The following CHTF18 variants were observed in gnomAD, a reference collection of about 807,000 sequenced individuals.
CHTF18 encodes chromosome transmission fidelity protein 18 homolog.
CHTF18 carries 151 observed loss-of-function variants against 113.4 expected under a neutral mutation model. The observed-to-expected ratio is 1.33, with a 90% confidence interval of 1.17 to 1.52. The LOEUF is 1.52. Ranked by LOEUF, CHTF18 falls within the 40% of genes most tolerant of loss-of-function variation. CHTF18 has a pLI of 0.00. For missense variants in CHTF18, 1,982 were observed against 1,381.6 expected, an observed-to-expected ratio of 1.43 and a Z score of -6.89; for synonymous variants, 916 against 598.8, an observed-to-expected ratio of 1.53 and a Z score of -7.74.
Position 792,342 on chromosome 16 carries a change from C to G in CHTF18, c.1321C>G (p.Pro441Ala), listed in dbSNP as rs1347500621. Reference sequence around the variant, plus strand: ...GGTCATCGATGAGATCGACGGGGCCCCCGTGGTGGGCTCCTTGATGCCTGG... The same window carrying G: ...GGTCATCGATGAGATCGACGGGGCCGCCGTGGTGGGCTCCTTGATGCCTGG... ...CLVIDEIDGA[P>A]VAAINVLLSI... The change falls in exon 10 of 22, where the codon CCC (proline) becomes GCC (alanine). Residue 441 changes from proline to alanine, a missense_variant. Coordinates refer to ENST00000262315, the MANE Select transcript of CHTF18 (RefSeq NM_022092.3). 13 of 1,554,288 alleles carry G rather than the reference C, an allele frequency of 8.4e-6. No homozygotes were observed. In the African/African-American group the frequency reaches 1.2e-4, roughly 15 times the overall value.
intron 4 of CHTF18, 56 bp from the exon 5 acceptor site, chr16:790,121 C>T (rs774941090): frequency 2.1e-5 from 32 of 1,546,590 alleles, no homozygotes; most frequent in Middle Eastern, 3.3e-4. Flanking sequence ...TGGGGGCTGA[C>T]GTGAATCCTG....
Position 791,208 on chromosome 16 carries a change from G to C in CHTF18, c.942G>C (p.Val314=). The C allele has an allele frequency of 6.2e-7, 1 of 1,611,716 alleles. No individual in the cohort carries two copies. The highest frequency in any genetic ancestry group is 8.5e-7 in the Non-Finnish European group (1 of 1,179,578). Reference sequence around the variant, plus strand: ...AGTGGCTGAAGTTGTGGGACCTGGTGGTGTTTGGCCACGAGAGGCCTTCCC... The same window carrying C: ...AGTGGCTGAAGTTGTGGGACCTGGTCGTGTTTGGCCACGAGAGGCCTTCCC... ...LLKWLKLWDL[V]VFGHERPSRK... The change falls in exon 8 of 22, where the codon GTG becomes GTC. Residue 314 remains valine (V), a synonymous_variant. Coordinates refer to ENST00000262315, the MANE Select transcript of CHTF18 (RefSeq NM_022092.3).
chr16:789,443 T>TG (rs1277198315), intron 3 of CHTF18, 83 bp downstream of exon 3: 158 of 1,534,874 alleles, frequency 1.0e-4, no homozygotes, highest in Non-Finnish European at 1.3e-4. Context: ...GGATGAGGCC[T>TG]GGGGGGTGGG....
At chr16:797,596 G>C in intron 20 of CHTF18, 98 bp from the exon 21 acceptor site, 4 of 1,351,340 alleles carry the variant, frequency 3.0e-6, no homozygotes, top group Non-Finnish European at 3.1e-6. Context: ...AGGTGTTCTG[G>C]TCCCTCCTCC....
In CHTF18 at chr16:789,091, C is replaced by A; in HGVS notation, c.252C>A (p.Asp84Glu). The change falls in exon 2 of 22, where the codon GAC becomes GAA. Residue 84 changes from aspartate to glutamate, a missense_variant. By Grantham distance (45) the Asp-to-Glu change is conservative. Coordinates refer to ENST00000262315, the MANE Select transcript of CHTF18 (RefSeq NM_022092.3). Reference sequence around the variant, plus strand: ...GCGGCGCCAGGAAGAGGCAGGTGGACGCCGACCTGCAGCCGGCCGGGTCCC... The same window carrying A: ...GCGGCGCCAGGAAGAGGCAGGTGGAAGCCGACCTGCAGCCGGCCGGGTCCC... ...SQGGARKRQVDADLQPAGSLP... is the reference protein window; with the variant it reads ...SQGGARKRQVEADLQPAGSLP... 6.5e-7 allele frequency: 1 copy of A among 1,532,350 alleles called. No individual in the cohort carries two copies. Among genetic ancestry groups the A allele is most frequent in the Admixed American group, 2.1e-5 (1 of 48,762 alleles). 94.9% of individuals were successfully genotyped at this position (1,532,350 alleles called of 1,614,324 possible). A position where few individuals can be genotyped will look rare whatever the true frequency, so the allele number is the denominator to read the frequency against.
At chr16:793,339 G>A in intron 14 of CHTF18, 65 bp downstream of exon 14, 1 of 1,570,882 alleles carries the variant, frequency 6.4e-7, no homozygotes. Context: ...CGCTAGCCCT[G>A]TGTGCAGGCC....
intron 7 of CHTF18, 197 bp downstream of exon 7, chr16:790,863 G>A: frequency 7.0e-7 from 1 of 1,431,534 alleles, no homozygotes; most frequent in Non-Finnish European, 9.1e-7. Flanking sequence ...TGTGAGGCAG[G>A]CTAGGGGTCC....
In CHTF18 at chr16:795,150, C is replaced by T. The variant is rs749157814; in HGVS notation, c.1969C>T (p.Leu657=). 1.7e-5 allele frequency: 27 copies of T among 1,551,104 alleles called. No homozygotes were observed. Among genetic ancestry groups the T allele is most frequent in the Middle Eastern group, 2.0e-4 (1 of 5,104 alleles). ...KVVQGLFDNF[L]RLRLRDSSLG... Reference sequence around the variant, plus strand: ...CCTGCAGGGCTTGTTTGACAACTTCCTGCGTCTGCGGCTGCGAGACTCCAG... The same window carrying T: ...CCTGCAGGGCTTGTTTGACAACTTCTTGCGTCTGCGGCTGCGAGACTCCAG... Residue 657 remains leucine (L), a synonymous_variant, in exon 16 of 22, where the codon CTG becomes TTG. Coordinates refer to ENST00000262315, the MANE Select transcript of CHTF18 (RefSeq NM_022092.3).
rs912543496 is a variant in CHTF18, at chr16:789,121, C to T, written c.282C>T (p.Pro94=). The T allele has an allele frequency of 4.5e-6, 7 of 1,541,698 alleles. No homozygotes were observed. In the African/African-American group the frequency reaches 9.6e-5, roughly 21 times the overall value. The change falls in exon 2 of 22, where the codon CCC becomes CCT. Residue 94 remains proline (P), a synonymous_variant. Coordinates refer to ENST00000262315, the MANE Select transcript of CHTF18 (RefSeq NM_022092.3). ...ACCTGCAGCCGGCCGGGTCCCTGCCCCACGGTAGGTTGGCGGCATTGCCCC... is the reference window on the plus strand; with the variant it reads ...ACCTGCAGCCGGCCGGGTCCCTGCCTCACGGTAGGTTGGCGGCATTGCCCC... The part of the protein sequence containing the change: ...DADLQPAGSL[P]HAPRIKRPRL...
chr16:791,045 CCATT>C (rs1339584461), intron 7 of CHTF18, 112 bp from the exon 8 acceptor site: 6 of 1,489,244 alleles, frequency 4.0e-6, no homozygotes, highest in Non-Finnish European at 5.4e-6. Context: ...ACGGGGGTGG[CCATT>C]CATCCTGTGG....
Position 792,442 on chromosome 16 carries a change from G to T in CHTF18, c.1330G>T (p.Ala444Ser). The stretch of plus-strand genomic sequence containing the variant: ...GTGTCCTCTGACCTCCCCCAAGGCC[G>T]CCATCAACGTCCTCCTGAGCATCCT... ...IDEIDGAPVA[A>S]INVLLSILNR... is the part of the protein sequence containing the mutation. The change falls in exon 11 of 22, where the codon GCC becomes TCC. Residue 444 changes from alanine (A) to serine (S), a missense_variant. By Grantham distance (99) the Ala-to-Ser change is moderately conservative. Coordinates refer to ENST00000262315, the MANE Select transcript of CHTF18 (RefSeq NM_022092.3). The T allele has an allele frequency of 6.4e-7, 1 of 1,562,358 alleles. No homozygotes were observed.
chr16:796,600 C>T (rs913600597), intron 18 of CHTF18, 117 bp from the exon 19 acceptor site: 1 of 1,247,892 alleles, frequency 8.0e-7, no homozygotes, highest in Non-Finnish European at 1.1e-6. Context: ...AGGACTCAGC[C>T]CCACATTCCT....
rs528540557 is a variant in CHTF18, at chr16:793,419, C to T, written c.1802+145C>T. On this transcript the variant is annotated intron_variant, in intron 14 of 21. Coordinates refer to ENST00000262315, the MANE Select transcript of CHTF18 (RefSeq NM_022092.3). ...TGCCTGGTCCAGCCTCCAGGGCCCT[C>T]CTCAGCCTTTTCCTGGCTTGTTCTC... 65 of 1,093,656 alleles carry T rather than the reference C, an allele frequency of 5.9e-5. No individual in the cohort carries two copies. In the South Asian group the frequency reaches 9.5e-4, roughly 16 times the overall value. The allele number at this position is 1,093,656 out of a possible 1,614,324, so 67.7% of individuals were successfully genotyped here. A position where few individuals can be genotyped will look rare whatever the true frequency, so the allele number is the denominator to read the frequency against.
intron 15 of CHTF18, 64 bp downstream of exon 15, chr16:794,265 G>T: frequency 1.3e-6 from 2 of 1,562,134 alleles, no homozygotes; most frequent in Non-Finnish European, 1.7e-6. Flanking sequence ...CTGTGCCCCT[G>T]CCCCTGCCGG....
At chr16:793,858 C>T (rs949805401) in intron 14 of CHTF18, 196 bp from the exon 15 acceptor site, 2 of 658,112 alleles carry the variant, frequency 3.0e-6, no homozygotes, top group Non-Finnish European at 5.2e-6. Context: ...GGCTCCTCGG[C>T]TTAAGGGAAT....
At chr16:790,027 C>T (rs754326727) in intron 4 of CHTF18, 150 bp from the exon 5 acceptor site, 63 of 1,535,618 alleles carry the variant, frequency 4.1e-5, no homozygotes, top group Middle Eastern at 1.7e-4. Flanking sequence ...TGGATGGCTT[C>T]ATTCCTTTGG....
chr16:789,352 G>A lies in CHTF18; in HGVS notation c.429G>A (p.Trp143Ter). 6.3e-7 allele frequency: 1 copy of A among 1,590,986 alleles called. No individual in the cohort carries two copies. The highest frequency in any genetic ancestry group is 2.2e-5 in the East Asian group (1 of 44,556). ...GCCCTGAGGACCTCGCAGAGCTTTG[G>A]GGCCACGGGTGTGTGGCTTGGACAT... ...PPSPEDLAEL[W>*]GHGVSEAAAD... Residue 143 changes from tryptophan to a stop codon, truncating the protein, a stop_gained, in exon 3 of 22, where the codon TGG becomes TGA. Transcript: ENST00000262315. LOFTEE classifies it high-confidence loss of function.
chr16:796,027 C>G lies in CHTF18; in HGVS notation c.2406C>G (p.Thr802=). ...LVGTMLAYSL[T]YRQERTPDGQ... ...GCACGATGCTCGCTTACAGCCTGAC[C>G]TACCGCCAGGAGCGCACGCCCGATG... Residue 802 remains threonine, a synonymous_variant, in exon 18 of 22, where the codon ACC becomes ACG. Transcript: ENST00000262315. 6.2e-7 allele frequency: 1 copy of G among 1,606,364 alleles called. No individual in the cohort carries two copies. The highest frequency in any genetic ancestry group is 2.2e-5 in the East Asian group (1 of 44,528).
In CHTF18 at chr16:797,715, C is replaced by T. The variant is rs766026350; in HGVS notation, c.2755C>T (p.Arg919Cys). 1.6e-5 allele frequency: 25 copies of T among 1,591,546 alleles called. No individual in the cohort carries two copies. The highest frequency in any genetic ancestry group is 1.8e-4 in the Middle Eastern group (1 of 5,508). Reference sequence around the variant, plus strand: ...TCAGCCTGAGAAGGACTTCTTTGGACGTGTGGTCGTCAGGAGCACAGCAGT... The same window carrying T: ...TCAGCCTGAGAAGGACTTCTTTGGATGTGTGGTCGTCAGGAGCACAGCAGT... ...EEQPEKDFFG[R>C]VVVRSTAVPS... is the part of the protein sequence containing the mutation. The change falls in exon 21 of 22, where the codon CGT becomes TGT. Residue 919 changes from arginine to cysteine, a missense_variant. Transcript: ENST00000262315.
Sources: gnomAD v4.1 joint callset for allele counts on GRCh38, gnomAD v4.1.1 for gene constraint, MANE v1.5 for transcripts, NCBI Gene and HGNC (gene_info 2026-07-23, HGNC 2026-07-21) for gene names.